The following CAMTA1 variants were observed in gnomAD, a reference collection of about 807,000 sequenced individuals.
CAMTA1 encodes the protein calmodulin-binding transcription activator 1.
CAMTA1 carries 27 observed loss-of-function variants against 170.9 expected under a neutral mutation model. The ratio of observed to expected loss-of-function variants is 0.16; its 90% CI spans 0.12 to 0.22. The LOEUF (loss-of-function observed/expected upper bound fraction) is 0.22. Among genes scored for constraint, CAMTA1 ranks in the 10% least tolerant of loss-of-function variants. The pLI, the probability that CAMTA1 is intolerant of heterozygous loss-of-function variation, is 1.00. For missense variants in CAMTA1, 1,619 were observed against 2,217.2 expected (o/e 0.73, Z 5.42); for synonymous variants, 833 against 891.5 (o/e 0.93, Z 1.17).
chr1:7,440,387 G>A (rs2092485963), intron 5 of CAMTA1, among the ~76,000 whole-genome samples: 1 of 152,262 alleles, frequency 6.6e-6, no homozygotes, highest in Admixed American at 6.5e-5. Context: ...GTGGGAAGGA[G>A]GCCTGGCCGG....
intron 4 of CAMTA1, among the ~76,000 whole-genome samples, chr1:7,213,035 T>C (rs531590516): frequency 1.7e-4 from 26 of 152,368 alleles, no homozygotes; most frequent in African/African-American, 6.3e-4. Context: ...TGGGTGTTTC[T>C]AGTTCTTGGC....
chr1:7,703,993 C>A (rs2096472655), intron 11 of CAMTA1, among the ~76,000 whole-genome samples: 1 of 152,032 alleles, frequency 6.6e-6, no homozygotes, highest in Non-Finnish European at 1.5e-5. Flanking sequence ...CAGCGCCGCA[C>A]CCCCTCCCCA....
chr1:7,011,799 G>A (rs559228030), intron 3 of CAMTA1, among the ~76,000 whole-genome samples: 113 of 152,330 alleles, frequency 7.4e-4, no homozygotes, highest in African/African-American at 2.7e-3. Context: ...CTCAGAGGCT[G>A]GCAGGCAGAG....
At chr1:7,407,163 C>G (rs1356494980) in intron 5 of CAMTA1, among the ~76,000 whole-genome samples, 1 of 152,230 alleles carries the variant, frequency 6.6e-6, no homozygotes, top group Admixed American at 6.5e-5. Flanking sequence ...CGGCCCCATG[C>G]ATAGGTTAGT....
chr1:7,332,588 T>C (rs1216149753), intron 5 of CAMTA1, among the ~76,000 whole-genome samples: 1 of 152,170 alleles, frequency 6.6e-6, no homozygotes, highest in Admixed American at 6.5e-5. Context: ...ATCCAGAACT[T>C]TTTAGTTTAA....
At chr1:7,137,100 A>T (rs1645588600) in intron 4 of CAMTA1, among the ~76,000 whole-genome samples, 1 of 152,166 alleles carries the variant, frequency 6.6e-6, no homozygotes, top group South Asian at 2.1e-4. Context: ...CTGTCTCAGA[A>T]AATGGCAACT....
chr1:7,510,017 A>AC lies in CAMTA1; in HGVS notation c.510+42116_510+42117insC, dbSNP rs1209659470. Among the ~76,000 whole-genome samples the AC allele has an allele frequency of 8.1e-3, 888 of 108,970 alleles. 54 individuals carry two copies. The highest frequency in any genetic ancestry group is 0.024 in the African/African-American group (848 of 35,036). 71.5% of individuals were successfully genotyped at this position (108,970 alleles called of 152,430 possible). A position where few individuals can be genotyped will look rare whatever the true frequency, so the allele number is the denominator to read the frequency against. ...CAAAAACAAACAAACAAACAACAAA[A>AC]AAAAAAAACACTGTCCTCCGAGGCC... is the stretch of plus-strand genomic sequence containing the variant. On this transcript the variant is annotated intron_variant, in intron 6 of 22. Coordinates refer to ENST00000303635, the MANE Select transcript of CAMTA1 (RefSeq NM_015215.4).
At chr1:7,448,430 CCTCTGTGGAGGCCGAGGCT>C (rs1301287937) in intron 5 of CAMTA1, among the ~76,000 whole-genome samples, 8 of 152,174 alleles carry the variant, frequency 5.3e-5, no homozygotes, top group Non-Finnish European at 1.0e-4. Context: ...TCAGCTGAGG[CCTCTGTGGAGGCCGAGGCT>C]CTCTGTGCTG....
At chr1:7,627,845 T>G (rs142428890) in intron 6 of CAMTA1, among the ~76,000 whole-genome samples, 67 of 152,318 alleles carry the variant, frequency 4.4e-4, no homozygotes, top group African/African-American at 1.6e-3. Flanking sequence ...CGGGAAGTAG[T>G]TAGCACTCAG....
intron 5 of CAMTA1, among the ~76,000 whole-genome samples, chr1:7,281,691 T>A (rs565598931): frequency 2.6e-5 from 4 of 152,242 alleles, no homozygotes; most frequent in Non-Finnish European, 5.9e-5. Flanking sequence ...CCATTCAATT[T>A]ACCAGCTTGA....
chr1:7,578,473 A>C lies in CAMTA1; in HGVS notation c.511-61927A>C, dbSNP rs1388222691. Among the ~76,000 whole-genome samples, 3 of 152,210 alleles carry C rather than the reference A, an allele frequency of 2.0e-5. No homozygotes were observed. The East Asian group carries it at 5.8e-4, about 29-fold the overall frequency. ...AAGCGGTGTGGAGGCTGGGTCCCAC[A>C]GATGCCACTGGGGAAGGGCTGGCTC... On this transcript the variant is annotated intron_variant, in intron 6 of 22. Coordinates refer to ENST00000303635, the MANE Select transcript of CAMTA1 (RefSeq NM_015215.4).
At chr1:6,793,191 G>A (rs975241890) in intron 1 of CAMTA1, among the ~76,000 whole-genome samples, 1 of 152,130 alleles carries the variant, frequency 6.6e-6, no homozygotes, top group African/African-American at 2.4e-5. Flanking sequence ...TCAGTCGCTA[G>A]TTTTGGACAG....
At chr1:7,591,895 T>C (rs533357668) in intron 6 of CAMTA1, among the ~76,000 whole-genome samples, 142 of 152,280 alleles carry the variant, frequency 9.3e-4, no homozygotes, top group Non-Finnish European at 1.7e-3. Context: ...TTTGTTTATT[T>C]ATGTATTTAT....
intron 6 of CAMTA1, among the ~76,000 whole-genome samples, chr1:7,575,910 G>T (rs1259117679): frequency 6.6e-6 from 1 of 152,180 alleles, no homozygotes; most frequent in African/African-American, 2.4e-5. Context: ...TGCTTCCCTG[G>T]AGACGTCAGG....
At chr1:7,407,670 G>A (rs2149241181) in intron 5 of CAMTA1, among the ~76,000 whole-genome samples, 1 of 152,266 alleles carries the variant, frequency 6.6e-6, no homozygotes, top group East Asian at 1.9e-4. Flanking sequence ...CACTGAGACA[G>A]CGCGTCTCCG....
intron 11 of CAMTA1, among the ~76,000 whole-genome samples, chr1:7,692,786 G>A (rs564213761): frequency 7.3e-4 from 111 of 152,246 alleles, no homozygotes; most frequent in African/African-American, 2.6e-3. Flanking sequence ...GTGGCAGCCC[G>A]TCCACCCACC....
intron 9 of CAMTA1, among the ~76,000 whole-genome samples, 157 bp from the exon 10 acceptor site, chr1:7,670,754 G>A (rs548733998): frequency 7.2e-5 from 11 of 152,226 alleles, no homozygotes; most frequent in South Asian, 4.1e-4. Context: ...CTCAGAAGTC[G>A]GGGCTCACTG....
intron 7 of CAMTA1, among the ~76,000 whole-genome samples, chr1:7,646,166 G>A (rs575971497): frequency 6.7e-6 from 1 of 149,704 alleles, no homozygotes; most frequent in South Asian, 2.1e-4. Flanking sequence ...GTGACTGCAG[G>A]TGGAGGCCAT....
chr1:7,070,349 T>C (rs1638475359), intron 3 of CAMTA1, among the ~76,000 whole-genome samples: 1 of 152,242 alleles, frequency 6.6e-6, no homozygotes, highest in Non-Finnish European at 1.5e-5. Flanking sequence ...TCTGGGTTTA[T>C]TTCAGCTTGG....
Sources: gnomAD v4.1 joint callset for allele counts (sites outside exome capture counted in the v4.1 genomes callset) on GRCh38, gnomAD v4.1.1 for gene constraint, MANE v1.5 for transcripts, NCBI Gene and HGNC (gene_info 2026-07-23, HGNC 2026-07-21) for gene names.